Variants in WIPF1 observed in about 807,000 individuals in gnomAD.
The protein encoded by WIPF1 is WAS/WASL interacting protein family member 1.
In WIPF1, 13 loss-of-function variants were observed where a neutral mutation model predicts 35.4. That is an observed-to-expected ratio of 0.37 (90% CI 0.24 to 0.58). WIPF1 has a LOEUF of 0.58. Among genes scored for constraint, WIPF1 ranks in the 20% least tolerant of loss-of-function variants. WIPF1 has a pLI of 0.74. For missense variants in WIPF1, 591 were observed against 667.0 expected, an observed-to-expected ratio of 0.89 and a Z score of 1.25; for synonymous variants, 267 against 266.3, an observed-to-expected ratio of 1.00 and a Z score of -0.02.
chr2:174,562,171 A>G lies in WIPF1; in HGVS notation c.*376T>C, dbSNP rs1559143242. On this transcript the variant is annotated 3_prime_UTR_variant, in exon 8 of 8. Transcript: ENST00000679041. The stretch of plus-strand genomic sequence containing the variant: ...GAGGAGGCCAAGCATGCGAAAAAGG[A>G]ACGGGAGAAAACAGCTCTCAGGGAC... The G allele has an allele frequency of 4.5e-6, 7 of 1,550,420 alleles. No individual in the cohort carries two copies. Among genetic ancestry groups the G allele is most frequent in the Non-Finnish European group, 6.1e-6 (7 of 1,146,994 alleles).
In WIPF1 at chr2:174,580,866, G is replaced by C. The variant is rs528478663; in HGVS notation, c.181+444C>G. Reference sequence around the variant, plus strand: ...CTCATTTGAAGCTCATGACAAACTTGTGAGGTCAATAGAACATGTATTATC... The same window carrying C: ...CTCATTTGAAGCTCATGACAAACTTCTGAGGTCAATAGAACATGTATTATC... On this transcript the variant is annotated intron_variant, in intron 3 of 7. Coordinates refer to ENST00000679041, the MANE Select transcript of WIPF1 (RefSeq NM_001375834.1). Among the ~76,000 whole-genome samples, 3 of 152,270 alleles carry C rather than the reference G, an allele frequency of 2.0e-5. No homozygotes were observed. In the East Asian group the frequency reaches 5.8e-4, roughly 29 times the overall value.
intron 1 of WIPF1, among the ~76,000 whole-genome samples, chr2:174,639,768 T>C (rs1275803160): frequency 6.6e-6 from 1 of 152,206 alleles, no homozygotes; most frequent in East Asian, 1.9e-4. Flanking sequence ...TGAGGTCTTA[T>C]TTTTAAATTT....
chr2:174,653,741 C>CAAAAAAA (rs1175251483), intron 1 of WIPF1, among the ~76,000 whole-genome samples: 1 of 57,886 alleles, frequency 1.7e-5, no homozygotes, highest in African/African-American at 5.6e-5. Flanking sequence ...GCCTCTGTCT[C>CAAAAAAA]AAAAAAAAAA....
intron 1 of WIPF1, among the ~76,000 whole-genome samples, chr2:174,589,591 A>G (rs1574813541): frequency 2.0e-5 from 3 of 152,168 alleles, no homozygotes; most frequent in Admixed American, 6.5e-5. Context: ...CCTCACACCC[A>G]GAGTCTGTGG....
intron 1 of WIPF1, among the ~76,000 whole-genome samples, chr2:174,605,745 T>C (rs1393410372): frequency 6.6e-6 from 1 of 152,090 alleles, no homozygotes; most frequent in Non-Finnish European, 1.5e-5. Context: ...AAATTGATCA[T>C]GAAATAGCCA....
At chr2:174,596,561 A>G (rs1045322028) in intron 1 of WIPF1, among the ~76,000 whole-genome samples, 2 of 152,158 alleles carry the variant, frequency 1.3e-5, no homozygotes, top group African/African-American at 2.4e-5. Flanking sequence ...CTTTTCATTT[A>G]CCACCTCTCC....
intron 1 of WIPF1, among the ~76,000 whole-genome samples, chr2:174,635,100 A>T (rs1474667515): frequency 1.3e-5 from 2 of 152,212 alleles, no homozygotes; most frequent in African/African-American, 4.8e-5. Flanking sequence ...TGGATCCTGC[A>T]GCAACCATGG....
intron 1 of WIPF1, among the ~76,000 whole-genome samples, chr2:174,637,949 C>T (rs569143821): frequency 1.3e-5 from 2 of 152,074 alleles, no homozygotes; most frequent in East Asian, 3.9e-4. Context: ...TCTTTTTTTC[C>T]TCCTTACCTG....
In WIPF1 at chr2:174,678,961, G is replaced by GT. The variant is rs1297105638; in HGVS notation, c.-39+3812_-39+3813insA. Among the ~76,000 whole-genome samples, 5 of 152,216 alleles carry GT rather than the reference G, an allele frequency of 3.3e-5. No individual in the cohort carries two copies. In the East Asian group the frequency reaches 9.6e-4, roughly 29 times the overall value. On this transcript the variant is annotated intron_variant, in intron 1 of 8. Transcript: ENST00000272746. ...CATCGAAAGCAGTTCCTGCGTTTAGGCTTTTTTGGTATTTACCTATGGAGA... is the reference window on the plus strand; with the variant it reads ...CATCGAAAGCAGTTCCTGCGTTTAGGTCTTTTTTGGTATTTACCTATGGAGA...
At chr2:174,591,457 G>A (rs1245210504) in intron 1 of WIPF1, among the ~76,000 whole-genome samples, 1 of 152,082 alleles carries the variant, frequency 6.6e-6, no homozygotes, top group Admixed American at 6.5e-5. Flanking sequence ...AAATCAGCCA[G>A]AACCCTAGAG....
rs1405622357 is a variant in WIPF1 at position 174,575,210 on chromosome 2, C to A, written c.352G>T (p.Asp118Tyr). Reference sequence around the variant, plus strand: ...ACAGGGAAACTCTCCTTACCATTATCCCTGTTGGCCGTGGATCTCAGCTTC... The same window carrying A: ...ACAGGGAAACTCTCCTTACCATTATACCTGTTGGCCGTGGATCTCAGCTTC... ...MPKLRSTANR[D>Y]NDSGGSRPPL... The change falls in exon 4 of 8, where the codon GAT becomes TAT. Residue 118 changes from aspartate to tyrosine, a missense_variant. Asp to Tyr is a radical substitution (Grantham distance 160, BLOSUM62 -3). Transcript: ENST00000679041. 6.2e-7 allele frequency: 1 copy of A among 1,609,976 alleles called. No homozygotes were observed. The highest frequency in any genetic ancestry group is 1.1e-5 in the South Asian group (1 of 90,584).
chr2:174,671,887 G>A lies in WIPF1; in HGVS notation c.-39+10887C>T, dbSNP rs974680118. On this transcript the variant is annotated intron_variant, in intron 1 of 8. Coordinates refer to the WIPF1 transcript ENST00000272746. ...TCATTAGCAATTTTAATTTCACCCC[G>A]TCCTGTGATCTCGCCCTGCCTCCAT... Among the ~76,000 whole-genome samples the A allele has an allele frequency of 3.9e-5, 6 of 152,058 alleles. No individual in the cohort carries two copies. The South Asian group carries it at 8.3e-4, about 21-fold the overall frequency.
rs1006480267 is a variant in WIPF1 at position 174,643,255 on chromosome 2, A to C, written c.-39+39519T>G. Among the ~76,000 whole-genome samples the C allele has an allele frequency of 6.7e-5, 10 of 149,604 alleles. 4 individuals are homozygous for C. The highest frequency in any genetic ancestry group is 2.3e-4 in the African/African-American group (9 of 38,940). On this transcript the variant is annotated intron_variant, in intron 1 of 8. Coordinates refer to the WIPF1 transcript ENST00000272746. ...GTGTGTATGTCCTATTTGTTGGGTT[A>C]AGTCAATAATGATAATGGAAAAATG...
intron 4 of WIPF1, among the ~76,000 whole-genome samples, 183 bp from the exon 5 acceptor site, chr2:174,572,629 C>T (rs1384487455): frequency 6.6e-6 from 1 of 152,168 alleles, no homozygotes; most frequent in Non-Finnish European, 1.5e-5. Context: ...GACCATAGCT[C>T]TATTTACCTG....
chr2:174,566,980 C>T, intron 7 of WIPF1, 90 bp downstream of exon 7: 1 of 1,305,896 alleles, frequency 7.7e-7, no homozygotes, highest in African/African-American at 1.5e-5. Flanking sequence ...TACCCCACTC[C>T]AGGCAAGAAG....
At chr2:174,585,007 G>A (rs1040900774) in intron 2 of WIPF1, among the ~76,000 whole-genome samples, 2 of 152,198 alleles carry the variant, frequency 1.3e-5, no homozygotes, top group African/African-American at 4.8e-5. Flanking sequence ...GGATGTGAAT[G>A]TGTATGGCAG....
chr2:174,579,343 C>T (rs1406741312), intron 3 of WIPF1, among the ~76,000 whole-genome samples: 1 of 152,160 alleles, frequency 6.6e-6, no homozygotes, highest in African/African-American at 2.4e-5. Flanking sequence ...GTCCATCTTT[C>T]AGAAAGAGAA....
At chr2:174,677,741 T>C (rs1288057559) in intron 1 of WIPF1, among the ~76,000 whole-genome samples, 4 of 152,148 alleles carry the variant, frequency 2.6e-5, no homozygotes, top group African/African-American at 9.7e-5. Context: ...AAGATTCTTA[T>C]AGCGTTCAAC....
At chr2:174,645,946 A>G (rs567772245) in intron 1 of WIPF1, among the ~76,000 whole-genome samples, 116 of 152,362 alleles carry the variant, frequency 7.6e-4, no homozygotes, top group African/African-American at 2.7e-3. Flanking sequence ...AAGCCTTGCC[A>G]TTCATCCAGG....
Sources: allele counts gnomAD v4.1 joint callset (sites outside exome capture counted in the v4.1 genomes callset), GRCh38; gene constraint gnomAD v4.1.1; transcripts MANE v1.5; gene names NCBI Gene and HGNC (gene_info 2026-07-23, HGNC 2026-07-21).